SLC7A11: variants seen among roughly 807,000 people sequenced by gnomAD.
The protein encoded by SLC7A11 is solute carrier family 7 member 11.
Under a neutral mutation model 54.5 loss-of-function variants are expected in SLC7A11, and 35 were observed. The ratio of observed to expected loss-of-function variants is 0.64; its 90% CI spans 0.49 to 0.85. The LOEUF (loss-of-function observed/expected upper bound fraction) is 0.85, where lower values mean the gene tolerates loss of function less well. Among genes scored for constraint, SLC7A11 ranks in the 40% least tolerant of loss-of-function variants. SLC7A11 has a pLI of 0.00. For missense variants in SLC7A11, 583 were observed against 618.1 expected, an observed-to-expected ratio of 0.94 and a Z score of 0.60; for synonymous variants, 230 against 225.2, an observed-to-expected ratio of 1.02 and a Z score of -0.19.
At chr4:138,233,567 AGAT>A (rs1738134425) in intron 2 of SLC7A11, among the ~76,000 whole-genome samples, 1 of 152,098 alleles carries the variant, frequency 6.6e-6, no homozygotes, top group Non-Finnish European at 1.5e-5. Context: ...CCCGATCCAT[AGAT>A]TATCAGAAAA....
chr4:138,235,025 G>T (rs973731093), intron 2 of SLC7A11, among the ~76,000 whole-genome samples: 1 of 152,148 alleles, frequency 6.6e-6, no homozygotes, highest in Admixed American at 6.6e-5. Context: ...TCTTATCTTT[G>T]TATGCTTGAA....
chr4:138,202,982 A>G (rs777564044), intron 6 of SLC7A11, among the ~76,000 whole-genome samples: 1 of 152,092 alleles, frequency 6.6e-6, no homozygotes, highest in Non-Finnish European at 1.5e-5. Flanking sequence ...GTAAAATCAG[A>G]TCTTTAATAC....
chr4:138,224,070 C>T (rs909475421), intron 3 of SLC7A11, among the ~76,000 whole-genome samples: 2 of 152,162 alleles, frequency 1.3e-5, no homozygotes, highest in Non-Finnish European at 2.9e-5. Context: ...ACCTTGTGGA[C>T]CATGAAAACC....
intron 6 of SLC7A11, among the ~76,000 whole-genome samples, chr4:138,196,354 T>C (rs1737131492): frequency 1.3e-5 from 2 of 152,030 alleles, no homozygotes; most frequent in African/African-American, 2.4e-5. Context: ...GCCTCACTAA[T>C]CTAGAGAAAC....
At chr4:138,218,824 C>T (rs1260589659) in intron 5 of SLC7A11, among the ~76,000 whole-genome samples, 1 of 152,096 alleles carries the variant, frequency 6.6e-6, no homozygotes, top group Non-Finnish European at 1.5e-5. Context: ...CTTATTTCTA[C>T]ATCTGAGTTA....
intron 6 of SLC7A11, among the ~76,000 whole-genome samples, chr4:138,200,528 T>A (rs147196586): frequency 6.6e-6 from 1 of 152,232 alleles, no homozygotes; most frequent in African/African-American, 2.4e-5. Context: ...AATGATTACA[T>A]TTCCCCCAGC....
chr4:138,187,476 C>A (rs1241638145), intron 6 of SLC7A11, among the ~76,000 whole-genome samples: 4 of 152,076 alleles, frequency 2.6e-5, no homozygotes, highest in African/African-American at 4.8e-5. Flanking sequence ...TAAGGATACA[C>A]AATTAGTAAG....
chr4:138,219,624 G>A (rs1737760331), intron 4 of SLC7A11, among the ~76,000 whole-genome samples: 2 of 152,098 alleles, frequency 1.3e-5, no homozygotes. Flanking sequence ...ATAATCCTCT[G>A]TTTGAGTATG....
At chr4:138,174,846 A>G (rs919084918) in intron 11 of SLC7A11, 5 of 152,212 alleles carry the variant, frequency 3.3e-5, no homozygotes, top group Non-Finnish European at 7.3e-5. Context: ...TTTCATGTTC[A>G]GTAGTTATTC....
rs763436187 is a variant in SLC7A11, at chr4:138,185,166, C to T, written c.870G>A (p.Thr290=). The T allele has an allele frequency of 5.0e-6, 8 of 1,612,830 alleles. No individual in the cohort carries two copies. Among genetic ancestry groups the T allele is most frequent in the Non-Finnish European group, 6.8e-6 (8 of 1,179,214 alleles). The change falls in exon 7 of 12, where the codon ACG becomes ACA. Residue 290 remains threonine, a synonymous_variant. Transcript: ENST00000280612. ...GCAGCAGCTCCTCAGCATTAATGGT[C>T]GTAAAGTAGGCCACATTTGTCAGCA... is the stretch of plus-strand genomic sequence containing the variant. The part of the protein sequence containing the change: ...GYVLTNVAYF[T]TINAEELLLS...
chr4:138,227,710 A>G (rs546966320), intron 3 of SLC7A11, among the ~76,000 whole-genome samples: 1 of 152,302 alleles, frequency 6.6e-6, no homozygotes, highest in African/African-American at 2.4e-5. Flanking sequence ...ATGAGGAAGT[A>G]GTTCAAAAGA....
chr4:138,193,821 A>G (rs1038049689), intron 6 of SLC7A11, among the ~76,000 whole-genome samples: 32 of 152,098 alleles, frequency 2.1e-4, no homozygotes, highest in African/African-American at 7.0e-4. Context: ...TAAAATATAG[A>G]TGAGTTGGCT....
chr4:138,202,337 T>C (rs1292609970), intron 6 of SLC7A11, among the ~76,000 whole-genome samples: 1 of 151,998 alleles, frequency 6.6e-6, no homozygotes, highest in Non-Finnish European at 1.5e-5. Flanking sequence ...ATTCTATAGG[T>C]TGGATATGAT....
At chr4:138,184,426 A>C (rs1736825544) in intron 7 of SLC7A11, among the ~76,000 whole-genome samples, 1 of 152,164 alleles carries the variant, frequency 6.6e-6, no homozygotes, top group Non-Finnish European at 1.5e-5. Context: ...TTTATGCAAA[A>C]TAAAAGTGTA....
chr4:138,173,032 G>A (rs1056109364), intron 11 of SLC7A11, among the ~76,000 whole-genome samples: 2 of 151,800 alleles, frequency 1.3e-5, no homozygotes, highest in South Asian at 4.2e-4. Context: ...TAGTAGAGAC[G>A]GGGTTCCACC....
Position 138,167,055 on chromosome 4 carries a change from T to C in SLC7A11, c.*4901A>G, listed in dbSNP as rs1736278946. The stretch of plus-strand genomic sequence containing the variant: ...GGAAAGAAATAATTATCTCCCAAAA[T>C]TGACTATTAAAAAATAATTTTTAAG... On this transcript the variant is annotated 3_prime_UTR_variant, in exon 12 of 12. Transcript: ENST00000280612. The C allele has an allele frequency of 6.6e-6, 1 of 151,644 alleles. No homozygotes were observed. Among genetic ancestry groups the C allele is most frequent in the Non-Finnish European group, 1.5e-5 (1 of 67,942 alleles). The allele number at this position is 151,644 out of a possible 1,614,324, so 9.4% of individuals were successfully genotyped here.
intron 1 of SLC7A11, among the ~76,000 whole-genome samples, chr4:138,237,528 G>T (rs1738241921): frequency 6.7e-6 from 1 of 148,752 alleles, no homozygotes; most frequent in South Asian, 2.1e-4. Flanking sequence ...GTCCCGAATA[G>T]CTGGGATTAC....
chr4:138,180,887 A>C, intron 9 of SLC7A11, 97 bp from the exon 10 acceptor site: 1 of 1,030,002 alleles, frequency 9.7e-7, no homozygotes, highest in Non-Finnish European at 1.4e-6. Flanking sequence ...TTTTCAAATA[A>C]TTATTTATAC....
chr4:138,206,116 G>C (rs535255662), intron 6 of SLC7A11, among the ~76,000 whole-genome samples: 1 of 152,018 alleles, frequency 6.6e-6, no homozygotes, highest in South Asian at 2.1e-4. Flanking sequence ...AGGTATTATA[G>C]AGAAGATCTC....
Sources: allele counts gnomAD v4.1 joint callset (sites outside exome capture counted in the v4.1 genomes callset), GRCh38; gene constraint gnomAD v4.1.1; transcripts MANE v1.5; gene names NCBI Gene and HGNC (gene_info 2026-07-23, HGNC 2026-07-21).